CHRM2: variants seen among roughly 807,000 people sequenced by gnomAD.
CHRM2 encodes muscarinic acetylcholine receptor M2.
CHRM2 carries 8 observed loss-of-function variants against 25.0 expected under a neutral mutation model. The ratio of observed to expected loss-of-function variants is 0.32; its 90% confidence interval spans 0.19 to 0.58. The LOEUF is 0.58. CHRM2 is among the 20% of genes least tolerant of loss of function. The probability of loss-of-function intolerance (pLI) is 0.88; values close to 1 mark genes in which losing one functional copy is unlikely to be tolerated. For missense variants in CHRM2, 440 were observed against 567.1 expected, an observed-to-expected ratio of 0.78 and a Z score of 2.28; for synonymous variants, 202 against 205.7, an observed-to-expected ratio of 0.98 and a Z score of 0.15.
At chr7:136,949,624 T>C (rs969747626) in intron 2 of CHRM2, among the ~76,000 whole-genome samples, 2 of 152,116 alleles carry the variant, frequency 1.3e-5, no homozygotes, top group African/African-American at 4.8e-5. Flanking sequence ...CAAGATCCTG[T>C]ATTGAAAAGA....
intron 2 of CHRM2, among the ~76,000 whole-genome samples, chr7:136,926,218 A>G (rs1386162403): frequency 6.6e-6 from 1 of 152,236 alleles, no homozygotes; most frequent in Non-Finnish European, 1.5e-5. Context: ...AGTAAGACAG[A>G]GTAAGACCCT....
At chr7:136,925,478 A>G (rs1166126677) in intron 2 of CHRM2, among the ~76,000 whole-genome samples, 7 of 152,174 alleles carry the variant, frequency 4.6e-5, no homozygotes. Context: ...TTCAAAGGGT[A>G]TGTTAATTGA....
chr7:136,921,183 C>T (rs981866546), intron 2 of CHRM2, among the ~76,000 whole-genome samples: 3 of 152,152 alleles, frequency 2.0e-5, no homozygotes, highest in African/African-American at 7.2e-5. Flanking sequence ...CTTCTTCTCA[C>T]CCCTGTCATT....
rs61438131 is a variant in CHRM2 at position 137,014,414 on chromosome 7, A to G, written c.-46-406A>G. The stretch of plus-strand genomic sequence containing the variant: ...CTTTCTTCTATAATTGTGTCCTCTC[A>G]CTAATTTACTAATTTTTATGTCTAT... On this transcript the variant is annotated intron_variant, in intron 3 of 3. Coordinates refer to ENST00000680005, the MANE Select transcript of CHRM2 (RefSeq NM_001006630.2). Among the ~76,000 whole-genome samples the G allele has an allele frequency of 2.8e-3, 425 of 152,064 alleles. 5 individuals are homozygous for G. Among genetic ancestry groups the G allele is most frequent in the African/African-American group, 1.0e-2 (415 of 41,518 alleles).
At chr7:136,923,127 G>A (rs756898479) in intron 2 of CHRM2, among the ~76,000 whole-genome samples, 8 of 151,814 alleles carry the variant, frequency 5.3e-5, no homozygotes, top group Non-Finnish European at 8.8e-5. Context: ...TAAGTCTCAC[G>A]CCAGATTTTA....
intron 2 of CHRM2, among the ~76,000 whole-genome samples, chr7:136,968,972 A>C (rs1044479674): frequency 2.0e-5 from 3 of 151,988 alleles, no homozygotes; most frequent in Non-Finnish European, 2.9e-5. Context: ...AAGAGCAGTA[A>C]TAGTTTCACT....
At chr7:136,989,376 G>A (rs1026832395) in intron 2 of CHRM2, among the ~76,000 whole-genome samples, 4 of 152,142 alleles carry the variant, frequency 2.6e-5, no homozygotes, top group African/African-American at 9.7e-5. Context: ...AATGACTGGA[G>A]AAGGACTCAA....
intron 2 of CHRM2, among the ~76,000 whole-genome samples, chr7:136,952,266 T>C (rs1800458370): frequency 6.6e-6 from 1 of 152,250 alleles, no homozygotes; most frequent in Non-Finnish European, 1.5e-5. Flanking sequence ...GTTCTCTCAC[T>C]ACAGAGTGCA....
At position 136,929,536 on chromosome 7, in the gene CHRM2, G is replaced by A. The variant is rs138621675; in HGVS notation, c.-125+60118G>A. 3.5e-4 allele frequency among the ~76,000 whole-genome samples: 53 copies of A among 152,098 alleles called. 1 individual carries two copies. In the East Asian group the frequency reaches 0.01, roughly 30 times the overall value. ...CCTCCTTTTCACCTCTCCTTCTTTTGCTAGTCCCTTTATTTTCTCCCTCCT... is the reference window on the plus strand; with the variant it reads ...CCTCCTTTTCACCTCTCCTTCTTTTACTAGTCCCTTTATTTTCTCCCTCCT... On this transcript the variant is annotated intron_variant, in intron 2 of 3. Transcript: ENST00000680005.
At chr7:136,945,785 A>G (rs1449138786) in intron 2 of CHRM2, among the ~76,000 whole-genome samples, 2 of 152,128 alleles carry the variant, frequency 1.3e-5, no homozygotes, top group African/African-American at 4.8e-5. Flanking sequence ...ATGTTTCTTC[A>G]TTTGTACTAA....
At chr7:136,950,952 A>T (rs1393545635) in intron 2 of CHRM2, 1 of 152,300 alleles carries the variant, frequency 6.6e-6, no homozygotes, top group Non-Finnish European at 1.5e-5. Flanking sequence ...AACTACAGGC[A>T]CATGCCACCA....
intron 2 of CHRM2, among the ~76,000 whole-genome samples, chr7:136,935,145 G>T (rs1458831995): frequency 6.6e-6 from 1 of 152,090 alleles, no homozygotes; most frequent in Non-Finnish European, 1.5e-5. Flanking sequence ...GGAAATTGCA[G>T]ATTTTTGCTC....
At chr7:136,979,586 ATTTAAATC>A (rs1385697452) in intron 2 of CHRM2, among the ~76,000 whole-genome samples, 2 of 152,136 alleles carry the variant, frequency 1.3e-5, no homozygotes, top group East Asian at 1.9e-4. Flanking sequence ...TATGTCTTAC[ATTTAAATC>A]TTTAATCCAT....
chr7:136,977,777 T>C (rs1473291715), intron 2 of CHRM2, among the ~76,000 whole-genome samples: 1 of 152,190 alleles, frequency 6.6e-6, no homozygotes, highest in Non-Finnish European at 1.5e-5. Context: ...CTTGTTGCAA[T>C]TGCTTTTGGG....
rs201063228 is a variant in CHRM2 at position 136,921,790 on chromosome 7, C to CT, written c.-125+52375dup. Among the ~76,000 whole-genome samples, 873 of 114,054 alleles carry CT rather than the reference C, an allele frequency of 7.7e-3. 14 individuals carry two copies. The highest frequency in any genetic ancestry group is 0.02 in the African/African-American group (756 of 37,190). The allele number at this position is 114,054 out of a possible 152,430, so 74.8% of individuals were successfully genotyped here. On this transcript the variant is annotated intron_variant, in intron 2 of 3. Transcript: ENST00000680005. ...ATTTTCTTTCTTTCTTTCTTTCTTT[C>CT]TTTCTTTTTTTTGAGACAGATTCTC...
intron 2 of CHRM2, among the ~76,000 whole-genome samples, chr7:136,991,183 G>C (rs1584888456): frequency 6.6e-6 from 1 of 152,164 alleles, no homozygotes; most frequent in East Asian, 1.9e-4. Context: ...CTTTGGTGTT[G>C]TATTTTAAAA....
chr7:136,982,642 G>A (rs28769374), intron 2 of CHRM2, among the ~76,000 whole-genome samples: 2,365 of 152,226 alleles, frequency 0.016, 52 homozygotes, highest in African/African-American at 0.055. Context: ...GCCTGGGGGT[G>A]ACAAAATCCC....
intron 2 of CHRM2, among the ~76,000 whole-genome samples, chr7:136,937,116 C>T (rs143600892): frequency 2.0e-5 from 3 of 152,208 alleles, no homozygotes; most frequent in East Asian, 3.9e-4. Flanking sequence ...GAGAATTTGA[C>T]TGGAATAAAA....
At chr7:136,945,445 T>C (rs915239405) in intron 2 of CHRM2, among the ~76,000 whole-genome samples, 3 of 152,142 alleles carry the variant, frequency 2.0e-5, no homozygotes, top group African/African-American at 7.2e-5. Context: ...TTTTTCCACA[T>C]GTGGCTTGCC....
Sources: gnomAD v4.1 joint callset for allele counts (sites outside exome capture counted in the v4.1 genomes callset) on GRCh38, gnomAD v4.1.1 for gene constraint, MANE v1.5 for transcripts, NCBI Gene and HGNC (gene_info 2026-07-23, HGNC 2026-07-21) for gene names.